CPAMD8: variants seen among roughly 807,000 people sequenced by gnomAD.
The protein encoded by CPAMD8 is C3 and PZP-like alpha-2-macroglobulin domain-containing protein 8.
In CPAMD8, 146 loss-of-function variants were observed where a neutral mutation model predicts 224.7. The ratio of observed to expected loss-of-function variants is 0.65; its 90% CI spans 0.57 to 0.75. CPAMD8 has a LOEUF of 0.75. Among genes scored for constraint, CPAMD8 ranks in the 30% least tolerant of loss-of-function variants. The pLI is 0.00. For synonymous variants in CPAMD8, 966 were observed against 1,044.6 expected, an observed-to-expected ratio of 0.92 and a Z score of 1.45; for missense variants, 2,301 against 2,537.5, an observed-to-expected ratio of 0.91 and a Z score of 2.00.
At position 16,896,557 on chromosome 19, in the gene CPAMD8, C is replaced by G. The variant is rs1451644217; in HGVS notation, c.5174G>C (p.Gly1725Ala). 10 of 1,506,958 alleles carry G rather than the reference C, an allele frequency of 6.6e-6. No individual in the cohort carries two copies. Among genetic ancestry groups the G allele is most frequent in the Non-Finnish European group, 8.8e-6 (10 of 1,134,616 alleles). The allele number at this position is 1,506,958 out of a possible 1,614,324, so 93.3% of individuals were successfully genotyped here. Reference protein sequence around the residue: ...DCGAQGNPVCGSDGVVYASAC... With the variant: ...DCGAQGNPVCASDGVVYASAC... ...GCTGGCGTAGACCACCCCGTCGGAG[C>G]CGCACACCGGGTTCCCCTGGGCGCC... is the stretch of plus-strand genomic sequence containing the variant. The change falls in exon 40 of 42, where the codon GGC becomes GCC. Residue 1725 changes from glycine to alanine, a missense_variant. Around this residue, in one of 4 missense-constraint regions of CPAMD8, gnomAD observed 1,709 missense variants for 1,753.2 expected, o/e 0.97. Transcript: ENST00000443236.
intron 25 of CPAMD8, among the ~76,000 whole-genome samples, chr19:16,927,594 C>A (rs749858449): frequency 6.6e-6 from 1 of 152,106 alleles, no homozygotes; most frequent in Non-Finnish European, 1.5e-5. Context: ...ATCACCAAGA[C>A]CCCCCAGGCC....
rs1568459848 is a variant in CPAMD8 at position 16,906,402 on chromosome 19, CTTT to C, written c.4027+547_4027+549del. On this transcript the variant is annotated intron_variant, in intron 30 of 41. Coordinates refer to ENST00000443236, the MANE Select transcript of CPAMD8 (RefSeq NM_015692.5). ...TCTTTCTTTCTTTCTTTCTTTCTTT[CTTT>C]CTTTCCTTCCTTCCTTCCTTCCTTC... Among the ~76,000 whole-genome samples, 668 of 93,742 alleles carry C rather than the reference CTTT, an allele frequency of 7.1e-3. 5 individuals are homozygous for C. The highest frequency in any genetic ancestry group is 9.3e-3 in the Admixed American group (77 of 8,294). The allele number at this position is 93,742 out of a possible 152,430, so 61.5% of individuals were successfully genotyped here.
intron 23 of CPAMD8, among the ~76,000 whole-genome samples, chr19:16,930,919 C>A (rs539939394): frequency 6.6e-6 from 1 of 152,286 alleles, no homozygotes; most frequent in South Asian, 2.1e-4. Flanking sequence ...CCAAGGCTGG[C>A]TGCTGCCACC....
In CPAMD8 at chr19:16,908,644, G is replaced by C. The variant is rs147881937; in HGVS notation, c.3862-1527C>G. On this transcript the variant is annotated intron_variant, in intron 29 of 41. Coordinates refer to ENST00000443236, the MANE Select transcript of CPAMD8 (RefSeq NM_015692.5). ...CAGAGTCTTCTGGTGGCCCAATAGAGGTATGGAGTTGAGCTAACTCTGCTT... is the reference window on the plus strand; with the variant it reads ...CAGAGTCTTCTGGTGGCCCAATAGACGTATGGAGTTGAGCTAACTCTGCTT... Among the ~76,000 whole-genome samples the C allele has an allele frequency of 1.6e-3, 238 of 152,332 alleles. 2 individuals carry two copies. Among genetic ancestry groups the C allele is most frequent in the African/African-American group, 5.2e-3 (218 of 41,582 alleles).
At chr19:17,006,932 C>T (rs778936559) in intron 7 of CPAMD8, among the ~76,000 whole-genome samples, 4 of 152,182 alleles carry the variant, frequency 2.6e-5, no homozygotes, top group Non-Finnish European at 5.9e-5. Context: ...AAAGCTCACC[C>T]CATGGCAGTA....
rs564104377 is a variant in CPAMD8 at position 16,989,751 on chromosome 19, G to A, written c.1287C>T (p.Asn429=). ...VWLETKVMAL[N]GKPVGAQYLP... is the part of the protein sequence containing the mutation. ...GGTACTGAGCCCCCACAGGCTTCCC[G>A]TTCAGTGCCATCACCTTGGTCTGAG... The change falls in exon 13 of 42, where the codon AAC becomes AAT. Residue 429 remains asparagine (N), a synonymous_variant. Transcript: ENST00000443236. 11 of 1,613,930 alleles carry A rather than the reference G, an allele frequency of 6.8e-6. No individual in the cohort carries two copies. The East Asian group carries it at 8.9e-5, about 13-fold the overall frequency.
chr19:16,985,543 T>C (rs1172055303), intron 13 of CPAMD8, among the ~76,000 whole-genome samples: 3 of 136,806 alleles, frequency 2.2e-5, no homozygotes, highest in Non-Finnish European at 3.1e-5. Flanking sequence ...AGTGGGTGGA[T>C]AGATGGGTGG....
intron 6 of CPAMD8, 59 bp from the exon 7 acceptor site, chr19:17,008,618 C>T: frequency 1.3e-6 from 2 of 1,565,390 alleles, no homozygotes; most frequent in Non-Finnish European, 8.8e-7. Flanking sequence ...CTAGCATGTG[C>T]CCAATGTAAG....
At position 17,026,548 on chromosome 19, in the gene CPAMD8, C is replaced by T; in HGVS notation, c.92+3G>A. 1 of 1,511,888 alleles carries T rather than the reference C, an allele frequency of 6.6e-7. No individual in the cohort carries two copies. Among genetic ancestry groups the T allele is most frequent in the Non-Finnish European group, 8.8e-7 (1 of 1,139,426 alleles). The allele number at this position is 1,511,888 out of a possible 1,614,324, so 93.7% of individuals were successfully genotyped here. A position where few individuals can be genotyped will look rare whatever the true frequency, so the allele number is the denominator to read the frequency against. ...ACCTCCTCTGTCGCCGGAGGATACTCACGGGGCCTGAGGCTGCGCGGCGCG... is the reference window on the plus strand; with the variant it reads ...ACCTCCTCTGTCGCCGGAGGATACTTACGGGGCCTGAGGCTGCGCGGCGCG... On this transcript the variant is annotated splice_donor_region_variant and intron_variant, in intron 1 of 41. Coordinates refer to ENST00000443236, the MANE Select transcript of CPAMD8 (RefSeq NM_015692.5).
At chr19:16,955,480 AAG>A (rs2054440713) in intron 19 of CPAMD8, among the ~76,000 whole-genome samples, 1 of 152,104 alleles carries the variant, frequency 6.6e-6, no homozygotes, top group Non-Finnish European at 1.5e-5. Context: ...GGGGGAAGGG[AAG>A]AGAGGGGAGT....
At position 16,938,449 on chromosome 19, in the gene CPAMD8, G is replaced by C; in HGVS notation, c.2794-3C>G. ...TACGCCCGGGGGACTCCTTCCGCCT[G>C]AAACAAAGAAACAAGGAGAACTGAG... On this transcript the variant is annotated splice_region_variant and splice_polypyrimidine_tract_variant and intron_variant, in intron 22 of 41. Coordinates refer to ENST00000443236, the MANE Select transcript of CPAMD8 (RefSeq NM_015692.5). 1 of 1,567,254 alleles carries C rather than the reference G, an allele frequency of 6.4e-7. No individual in the cohort carries two copies. Among genetic ancestry groups the C allele is most frequent in the Non-Finnish European group, 8.7e-7 (1 of 1,153,762 alleles).
At chr19:16,926,260 C>A (rs1017476747) in intron 25 of CPAMD8, among the ~76,000 whole-genome samples, 9 of 151,812 alleles carry the variant, frequency 5.9e-5, no homozygotes, top group South Asian at 2.1e-4. Context: ...TCTGATGGAC[C>A]CCCCTGGGAC....
intron 2 of CPAMD8, among the ~76,000 whole-genome samples, chr19:17,021,298 C>T (rs2056949628): frequency 6.6e-6 from 1 of 152,152 alleles, no homozygotes; most frequent in Non-Finnish European, 1.5e-5. Flanking sequence ...TTTCAGTTGG[C>T]TAGCCACCCA....
chr19:17,008,816 G>T (rs1427705734), intron 6 of CPAMD8: 1 of 539,778 alleles, frequency 1.9e-6, no homozygotes, highest in Admixed American at 3.1e-5. Flanking sequence ...GGCTGGGTGT[G>T]GTGGCTCACA....
intron 13 of CPAMD8, among the ~76,000 whole-genome samples, chr19:16,988,838 A>C (rs976313939): frequency 6.6e-6 from 1 of 152,044 alleles, no homozygotes; most frequent in Non-Finnish European, 1.5e-5. Flanking sequence ...TGACAATCAA[A>C]ACTTCATCTG....
In CPAMD8 at chr19:16,928,253, G is replaced by T; in HGVS notation, c.3145-19C>A. 1 of 1,599,694 alleles carries T rather than the reference G, an allele frequency of 6.3e-7. No homozygotes were observed. The highest frequency in any genetic ancestry group is 8.6e-7 in the Non-Finnish European group (1 of 1,168,920). ...GGCCAACCTGGAAAAAGAAACCAAGGCTGCTGGACGCTGGCAGGAAGCAGG... is the reference window on the plus strand; with the variant it reads ...GGCCAACCTGGAAAAAGAAACCAAGTCTGCTGGACGCTGGCAGGAAGCAGG... On this transcript the variant is annotated intron_variant, in intron 24 of 41. Coordinates refer to ENST00000443236, the MANE Select transcript of CPAMD8 (RefSeq NM_015692.5).
At chr19:16,969,090 C>T (rs144102563) in intron 18 of CPAMD8, among the ~76,000 whole-genome samples, 72 of 152,336 alleles carry the variant, frequency 4.7e-4, no homozygotes, top group African/African-American at 1.6e-3. Flanking sequence ...ACTCTCTAAA[C>T]AGAGTCTCTG....
intron 3 of CPAMD8, among the ~76,000 whole-genome samples, chr19:17,017,624 C>G (rs1262714013): frequency 2.6e-5 from 4 of 152,220 alleles, no homozygotes; most frequent in Non-Finnish European, 5.9e-5. Flanking sequence ...CGCCCAGCCC[C>G]AACCCAGCTG....
intron 32 of CPAMD8, 43 bp downstream of exon 32, chr19:16,904,183 C>CCCCCCCCCCCCCA: frequency 1.8e-6 from 2 of 1,135,836 alleles, no homozygotes; most frequent in East Asian, 2.5e-5. Context: ...GGGACCCCAC[C>CCCCCCCCCCCCCA]CACCCAGCCC....
Sources: allele counts gnomAD v4.1 joint callset (sites outside exome capture counted in the v4.1 genomes callset), GRCh38; gene constraint gnomAD v4.1.1; regional missense constraint gnomAD v4.1.1; transcripts MANE v1.5; gene names NCBI Gene and HGNC (gene_info 2026-07-23, HGNC 2026-07-21).